Variants in ZNF317 observed in about 807,000 individuals in gnomAD.
The protein encoded by ZNF317 is KRAB-containing zinc finger protein 317.
In ZNF317, 17 loss-of-function variants were observed where a neutral mutation model predicts 23.4. The ratio of observed to expected loss-of-function variants is 0.73; its 90% CI spans 0.50 to 1.09. ZNF317 has a LOEUF of 1.09. Ranked by LOEUF, ZNF317 falls within the 50% of genes least tolerant of loss-of-function variation. The pLI is 0.00. For missense variants in ZNF317, 679 were observed against 796.7 expected, an observed-to-expected ratio of 0.85 and a Z score of 1.78; for synonymous variants, 317 against 314.9, an observed-to-expected ratio of 1.01 and a Z score of -0.07.
At chr19:9,156,790 T>C (rs761582989) in intron 3 of ZNF317, 42 bp downstream of exon 3, 2 of 1,599,494 alleles carry the variant, frequency 1.3e-6, no homozygotes, top group East Asian at 4.5e-5. Context: ...GAGAGGCACT[T>C]CCTGGAAGAC....
chr19:9,155,052 AAGG>A lies in ZNF317; in HGVS notation c.-92-870_-92-868del, dbSNP rs200967763. Among the ~76,000 whole-genome samples the A allele has an allele frequency of 4.1e-3, 629 of 152,016 alleles. 2 individuals carry two copies. Among genetic ancestry groups the A allele is most frequent in the African/African-American group, 0.014 (597 of 41,446 alleles). On this transcript the variant is annotated intron_variant, in intron 1 of 6. Coordinates refer to ENST00000247956, the MANE Select transcript of ZNF317 (RefSeq NM_020933.5). ...ATTTTCTTTCTTTCTTTCTGTTTTG[AAGG>A]AGTTCTTTTTATTTTTTCCAATAAG...
intron 1 of ZNF317, among the ~76,000 whole-genome samples, chr19:9,151,467 T>A (rs915303008): frequency 3.9e-5 from 6 of 152,104 alleles, no homozygotes; most frequent in African/African-American, 1.4e-4. Flanking sequence ...TGATTATTGA[T>A]CTGAGTCAGA....
At chr19:9,145,570 C>T (rs17002039) in intron 1 of ZNF317, among the ~76,000 whole-genome samples, 36,813 of 152,014 alleles carry the variant, frequency 0.24, 4,926 homozygotes, top group African/African-American at 0.37. Flanking sequence ...TTCTTTTTAC[C>T]GTTGGTATTA....
At chr19:9,141,610 T>C (rs978900274) in intron 1 of ZNF317, among the ~76,000 whole-genome samples, 11 of 152,236 alleles carry the variant, frequency 7.2e-5, no homozygotes, top group Non-Finnish European at 1.3e-4. Context: ...CCATTCTTTT[T>C]CAGGAATGTC....
intron 1 of ZNF317, among the ~76,000 whole-genome samples, chr19:9,153,051 T>G (rs547624042): frequency 6.6e-6 from 1 of 152,226 alleles, no homozygotes; most frequent in African/African-American, 2.4e-5. Flanking sequence ...AACTTTTGTT[T>G]TCATTAATTC....
intron 2 of ZNF317, 121 bp downstream of exon 2, chr19:9,156,162 G>C (rs1242384096): frequency 1.5e-6 from 2 of 1,339,294 alleles, no homozygotes; most frequent in African/African-American, 2.9e-5. Flanking sequence ...AAGTGGAAAA[G>C]GGGTGGGAAC....
chr19:9,161,587 C>T lies in ZNF317; in HGVS notation c.*154C>T, dbSNP rs796195024. 11 of 1,144,728 alleles carry T rather than the reference C, an allele frequency of 9.6e-6. No homozygotes were observed. The highest frequency in any genetic ancestry group is 5.2e-5 in the Admixed American group (2 of 38,322). 70.9% of individuals were successfully genotyped at this position (1,144,728 alleles called of 1,614,324 possible). ...TCCTGTAAAAACTGGGAAGACGAGG[C>T]GTTCTCATCCCATAGGAGGTTTGTG... is the stretch of plus-strand genomic sequence containing the variant. On this transcript the variant is annotated 3_prime_UTR_variant, in exon 7 of 7. Transcript: ENST00000247956. The surrounding 1 kb of genome is among the most constrained non-coding windows in gnomAD (Gnocchi z 4.0).
chr19:9,158,075 G>T lies in ZNF317; in HGVS notation c.385G>T (p.Asp129Tyr). ...ERGAHQGACA[D>Y]WETPSKTKWS... ...GGGCGCTCACCAGGGCGCTTGTGCAGGTGAGCGAGCCCCAGGCAAAGAGCG... is the reference window on the plus strand; with the variant it reads ...GGGCGCTCACCAGGGCGCTTGTGCATGTGAGCGAGCCCCAGGCAAAGAGCG... The change falls in exon 5 of 7, where the codon GAT (aspartate) becomes TAT (tyrosine). Residue 129 changes from aspartate (D) to tyrosine (Y), a missense_variant and splice_region_variant. Physicochemically the swap from Asp to Tyr is radical, Grantham distance 160 (BLOSUM62 -3). Coordinates refer to ENST00000247956, the MANE Select transcript of ZNF317 (RefSeq NM_020933.5). The T allele has an allele frequency of 6.5e-7, 1 of 1,550,222 alleles. No homozygotes were observed. The highest frequency in any genetic ancestry group is 8.7e-7 in the Non-Finnish European group (1 of 1,146,492).
At position 9,149,202 on chromosome 19, in the gene ZNF317, A is replaced by G. The variant is rs550700921; in HGVS notation, c.-92-6723A>G. Reference sequence around the variant, plus strand: ...AAAAGAAAAGGAGTGGAGAATTGGGATTGAAAGAAGCAGGGGTTTGCATTT... The same window carrying G: ...AAAAGAAAAGGAGTGGAGAATTGGGGTTGAAAGAAGCAGGGGTTTGCATTT... On this transcript the variant is annotated intron_variant, in intron 1 of 6. Transcript: ENST00000247956. 3.7e-4 allele frequency among the ~76,000 whole-genome samples: 57 copies of G among 152,298 alleles called. 1 individual carries two copies. In the Middle Eastern group the frequency reaches 0.01, roughly 27 times the overall value.
chr19:9,160,128 T>C lies in ZNF317; in HGVS notation c.483T>C (p.Leu161=), dbSNP rs1018845173. 1 of 1,614,084 alleles carries C rather than the reference T, an allele frequency of 6.2e-7. No homozygotes were observed. Among genetic ancestry groups the C allele is most frequent in the African/African-American group, 1.3e-5 (1 of 75,052 alleles). Residue 161 remains leucine, a synonymous_variant, in exon 7 of 7, where the codon CTT becomes CTC. Transcript: ENST00000247956. This position sits in a 1 kb window ranked among gnomAD's most constrained non-coding sequence, Gnocchi z 6.8. The stretch of plus-strand genomic sequence containing the variant: ...TTAACCAACAGGAAAGAGCCGGTCT[T>C]GGAGAGAAGTCCACTGAATACGCTC... ...PSGVTMERAG[L]GEKSTEYAHL...
At chr19:9,154,432 A>G (rs1236540556) in intron 1 of ZNF317, among the ~76,000 whole-genome samples, 2 of 150,702 alleles carry the variant, frequency 1.3e-5, no homozygotes, top group Non-Finnish European at 1.5e-5. Flanking sequence ...TTTCAATTCT[A>G]TCAACTTAAT....
chr19:9,144,538 GGTT>G (rs1348734654), intron 1 of ZNF317, among the ~76,000 whole-genome samples: 11 of 151,684 alleles, frequency 7.3e-5, no homozygotes, highest in Admixed American at 2.0e-4. Context: ...TTATTTCAGT[GGTT>G]GTTCTAAATA....
rs145305351 is a variant in ZNF317 at position 9,140,432 on chromosome 19, G to T, written c.-253G>T. 3.4e-3 allele frequency: 1,517 copies of T among 444,606 alleles called. 6 individuals carry two copies. The highest frequency in any genetic ancestry group is 4.8e-3 in the Non-Finnish European group (1,059 of 221,748). 27.5% of individuals were successfully genotyped at this position (444,606 alleles called of 1,614,324 possible). On this transcript the variant is annotated 5_prime_UTR_variant, in exon 1 of 7. Transcript: ENST00000247956. ...AAGCCATTACTCTCTGGAGTCGATTGCCCCGAGACACATGGGCCAAGGAGG... is the reference window on the plus strand; with the variant it reads ...AAGCCATTACTCTCTGGAGTCGATTTCCCCGAGACACATGGGCCAAGGAGG...
chr19:9,147,418 C>T (rs928563651), intron 1 of ZNF317, among the ~76,000 whole-genome samples: 2 of 148,220 alleles, frequency 1.3e-5, no homozygotes, highest in Admixed American at 6.9e-5. Context: ...CAGCTCACTG[C>T]AAGCTCTGCC....
In ZNF317 at chr19:9,157,254, G is replaced by A; in HGVS notation, c.163-14G>A. On this transcript the variant is annotated splice_polypyrimidine_tract_variant and intron_variant, in intron 3 of 6. Transcript: ENST00000247956. The stretch of plus-strand genomic sequence containing the variant: ...CTGGTTCCTCGCTGACCCCAAGTTT[G>A]TGTGGCGTTCCAGGAATCGGTGACT... 1 of 1,613,320 alleles carries A rather than the reference G, an allele frequency of 6.2e-7. No individual in the cohort carries two copies. The highest frequency in any genetic ancestry group is 1.1e-5 in the South Asian group (1 of 91,040).
At chr19:9,159,558 T>C (rs1307739307) in intron 6 of ZNF317, among the ~76,000 whole-genome samples, 1 of 148,600 alleles carries the variant, frequency 6.7e-6, no homozygotes, top group Non-Finnish European at 1.5e-5. Flanking sequence ...TTTTGTTTTT[T>C]TTTTTGAGGC....
intron 2 of ZNF317, 130 bp from the exon 3 acceptor site, chr19:9,156,482 G>C: frequency 8.2e-7 from 1 of 1,218,802 alleles, no homozygotes; most frequent in African/African-American, 1.5e-5. Flanking sequence ...AGAGGTGGGG[G>C]GAGGAAGAGA....
intron 2 of ZNF317, 135 bp downstream of exon 2, chr19:9,156,176 G>A: frequency 9.1e-7 from 1 of 1,100,542 alleles, no homozygotes; most frequent in Non-Finnish European, 1.4e-6. Context: ...TGGGAACAGA[G>A]CCCCAGCAGC....
At chr19:9,158,991 C>T in intron 6 of ZNF317, 83 bp downstream of exon 6, 1 of 925,570 alleles carries the variant, frequency 1.1e-6, no homozygotes, top group Non-Finnish European at 1.8e-6. Context: ...AGCAGTTCAA[C>T]ACCAGGGCAA....
Sources: gnomAD v4.1 joint callset for allele counts (sites outside exome capture counted in the v4.1 genomes callset) on GRCh38, gnomAD v4.1.1 for gene constraint, Gnocchi (gnomAD v3.1) non-coding constraint, MANE v1.5 for transcripts, NCBI Gene and HGNC (gene_info 2026-07-23, HGNC 2026-07-21) for gene names.